The following MAGI2 variants were observed in gnomAD, a reference collection of about 807,000 sequenced individuals.
MAGI2 encodes membrane associated guanylate kinase, WW and PDZ domain containing 2, also known as membrane-associated guanylate kinase, WW and PDZ domain-containing protein 2.
In MAGI2, 35 loss-of-function variants were observed where a neutral mutation model predicts 133.3. The observed-to-expected ratio is 0.26, with a 90% CI of 0.20 to 0.35. The LOEUF is 0.35. Among genes scored for constraint, MAGI2 ranks in the 10% least tolerant of loss-of-function variants. The pLI is 1.00. For missense variants in MAGI2, 1,636 were observed against 1,863.4 expected, an observed-to-expected ratio of 0.88 and a Z score of 2.25; for synonymous variants, 729 against 710.6, an observed-to-expected ratio of 1.03 and a Z score of -0.41.
chr7:78,789,663 T>A (rs1827110601), intron 2 of MAGI2, among the ~76,000 whole-genome samples: 1 of 152,234 alleles, frequency 6.6e-6, no homozygotes, highest in South Asian at 2.1e-4. Context: ...GTGGTATCTA[T>A]TGCCTCAAGT....
At chr7:78,578,032 C>CAA (rs1802446491) in intron 3 of MAGI2, among the ~76,000 whole-genome samples, 1 of 138,618 alleles carries the variant, frequency 7.2e-6, no homozygotes, top group African/African-American at 2.8e-5. Flanking sequence ...GTGAAAAAGA[C>CAA]CAAAAAAAAA....
chr7:78,445,990 G>T (rs1788091348), intron 6 of MAGI2, among the ~76,000 whole-genome samples: 3 of 150,086 alleles, frequency 2.0e-5, no homozygotes, highest in Non-Finnish European at 3.0e-5. Flanking sequence ...GAATGATTGT[G>T]CTTTTTCCTC....
At chr7:78,813,785 CAAAAAAAA>C (rs36107160) in intron 2 of MAGI2, among the ~76,000 whole-genome samples, 1 of 96,802 alleles carries the variant, frequency 1.0e-5, no homozygotes, top group Non-Finnish European at 2.0e-5. Flanking sequence ...GATTCTGTCT[CAAAAAAAA>C]AAAAAAAAAA....
At chr7:78,291,333 A>C (rs189975135) in intron 9 of MAGI2, among the ~76,000 whole-genome samples, 2 of 152,256 alleles carry the variant, frequency 1.3e-5, no homozygotes, top group Non-Finnish European at 2.9e-5. Context: ...AAAATCTAGA[A>C]GAAATGGATA....
intron 1 of MAGI2, chr7:79,415,438 T>C (rs1028649239): frequency 2.0e-5 from 3 of 152,208 alleles, no homozygotes; most frequent in South Asian, 2.1e-4. Flanking sequence ...CGTTTTCTCA[T>C]TGGCCTGGTG....
intron 1 of MAGI2, among the ~76,000 whole-genome samples, chr7:79,165,530 A>G (rs1585092594): frequency 6.6e-6 from 1 of 152,086 alleles, no homozygotes; most frequent in Admixed American, 6.6e-5. Flanking sequence ...TAGGACTACA[A>G]ACACATACAT....
chr7:78,207,498 CA>C (rs1426968956), intron 10 of MAGI2, among the ~76,000 whole-genome samples: 1 of 152,152 alleles, frequency 6.6e-6, no homozygotes, highest in Non-Finnish European at 1.5e-5. Context: ...AGCTTTCCAT[CA>C]AAAATTTAGC....
intron 2 of MAGI2, among the ~76,000 whole-genome samples, chr7:78,949,766 C>T (rs6466443): frequency 0.93 from 140,831 of 152,238 alleles, 65,148 homozygotes; most frequent in East Asian, 1. Context: ...TGAGTTTCTA[C>T]CTGGTGACAG....
In MAGI2 at chr7:78,752,183, A is replaced by G. The variant is rs180774791; in HGVS notation, c.419-124944T>C. 7.9e-5 allele frequency among the ~76,000 whole-genome samples: 12 copies of G among 152,324 alleles called. No homozygotes were observed. In the East Asian group the frequency reaches 2.3e-3, roughly 29 times the overall value. ...ACTATTTCTTATCTAAAGACTGCTA[A>G]AGAAGTAGCAGTTGCTTATATCAGC... On this transcript the variant is annotated intron_variant, in intron 2 of 21. Coordinates refer to ENST00000354212, the MANE Select transcript of MAGI2 (RefSeq NM_012301.4).
At chr7:78,208,380 A>G (rs1259951940) in intron 10 of MAGI2, among the ~76,000 whole-genome samples, 2 of 152,150 alleles carry the variant, frequency 1.3e-5, no homozygotes, top group Non-Finnish European at 2.9e-5. Context: ...ACTCAGCTAT[A>G]TAAAGGATAG....
At chr7:78,917,204 T>A (rs1258721945) in intron 2 of MAGI2, among the ~76,000 whole-genome samples, 1 of 152,050 alleles carries the variant, frequency 6.6e-6, no homozygotes, top group Non-Finnish European at 1.5e-5. Flanking sequence ...TAAGGTATTT[T>A]TTAAAGAACA....
chr7:79,005,184 T>C (rs1322776905), intron 2 of MAGI2, among the ~76,000 whole-genome samples: 1 of 152,198 alleles, frequency 6.6e-6, no homozygotes, highest in East Asian at 1.9e-4. Context: ...AGAATCTCTG[T>C]ATTTTTGTTC....
intron 1 of MAGI2, among the ~76,000 whole-genome samples, chr7:79,190,851 A>G (rs1827596191): frequency 6.6e-6 from 1 of 151,824 alleles, no homozygotes; most frequent in South Asian, 2.1e-4. Flanking sequence ...CTTGATTGAT[A>G]TGAAATGATT....
At chr7:78,881,270 T>C (rs1165785208) in intron 2 of MAGI2, among the ~76,000 whole-genome samples, 1 of 152,112 alleles carries the variant, frequency 6.6e-6, no homozygotes, top group East Asian at 1.9e-4. Flanking sequence ...AGAGTATACA[T>C]TCTTCTTACC....
intron 1 of MAGI2, among the ~76,000 whole-genome samples, chr7:79,152,595 G>A (rs1483519400): frequency 6.6e-6 from 1 of 152,122 alleles, no homozygotes; most frequent in Non-Finnish European, 1.5e-5. Context: ...TCCAAACATG[G>A]ATGGGTATCA....
chr7:78,354,324 C>T (rs1034480884), intron 7 of MAGI2, among the ~76,000 whole-genome samples: 4 of 152,104 alleles, frequency 2.6e-5, no homozygotes, highest in African/African-American at 7.2e-5. Context: ...AATTGAACTC[C>T]AAAAATACAC....
chr7:78,919,997 T>G (rs997059807), intron 2 of MAGI2, among the ~76,000 whole-genome samples: 20 of 152,104 alleles, frequency 1.3e-4, no homozygotes, highest in Non-Finnish European at 2.6e-4. Context: ...CTCTACTATT[T>G]TTGGTACTCT....
At chr7:78,390,605 T>C (rs1795810994) in intron 6 of MAGI2, among the ~76,000 whole-genome samples, 1 of 150,944 alleles carries the variant, frequency 6.6e-6, no homozygotes, top group Admixed American at 6.6e-5. Context: ...GATTAGAATG[T>C]TGGCAATCTT....
intron 20 of MAGI2, among the ~76,000 whole-genome samples, chr7:78,125,195 C>T (rs1244591922): frequency 6.6e-6 from 1 of 152,044 alleles, no homozygotes; most frequent in Non-Finnish European, 1.5e-5. Context: ...AACCTGTATC[C>T]AAGAAGCCAA....
Sources: gnomAD v4.1 joint callset for allele counts (sites outside exome capture counted in the v4.1 genomes callset) on GRCh38, gnomAD v4.1.1 for gene constraint, MANE v1.5 for transcripts, NCBI Gene and HGNC (gene_info 2026-07-23, HGNC 2026-07-21) for gene names.